FARSB: variants seen among roughly 807,000 people sequenced by gnomAD.
FARSB encodes the protein phenylalanyl-tRNA synthetase subunit beta.
Under a neutral mutation model 69.6 loss-of-function variants are expected in FARSB, and 40 were observed. The ratio of observed to expected loss-of-function variants is 0.57; its 90% CI spans 0.45 to 0.75. FARSB has a LOEUF of 0.75. Among genes scored for constraint, FARSB ranks in the 30% least tolerant of loss-of-function variants. The pLI, the probability that FARSB is intolerant of heterozygous loss-of-function variation, is 0.00. For synonymous variants in FARSB, 235 were observed against 247.2 expected (o/e 0.95, Z 0.46); for missense variants, 632 against 722.9 (o/e 0.87, Z 1.44).
At chr2:222,589,451 G>C (rs949401744) in intron 16 of FARSB, among the ~76,000 whole-genome samples, 6 of 152,030 alleles carry the variant, frequency 3.9e-5, no homozygotes, top group Non-Finnish European at 8.8e-5. Context: ...ACATAGGCAT[G>C]GGCAAGGACT....
chr2:222,618,191 T>C (rs1465062211), intron 14 of FARSB, among the ~76,000 whole-genome samples: 1 of 152,300 alleles, frequency 6.6e-6, no homozygotes. Flanking sequence ...ATACTTGATA[T>C]ATATTACCAA....
intron 14 of FARSB, among the ~76,000 whole-genome samples, chr2:222,617,802 G>A (rs1386613988): frequency 6.6e-6 from 1 of 152,198 alleles, no homozygotes; most frequent in African/African-American, 2.4e-5. Flanking sequence ...AGAATCGCTT[G>A]AACCCAAGAG....
chr2:222,629,013 C>T, intron 9 of FARSB, 125 bp from the exon 10 acceptor site: 1 of 679,512 alleles, frequency 1.5e-6, no homozygotes, highest in African/African-American at 1.8e-5. Flanking sequence ...CCATCTATCG[C>T]ATTCCAGCAC....
chr2:222,628,082 T>TTAA (rs1403964706), intron 10 of FARSB, among the ~76,000 whole-genome samples: 2 of 152,238 alleles, frequency 1.3e-5, no homozygotes, highest in African/African-American at 4.8e-5. Flanking sequence ...TAAATTAGTC[T>TTAA]TAATAATACA....
chr2:222,620,499 T>C (rs904173131), intron 13 of FARSB, among the ~76,000 whole-genome samples: 16 of 152,274 alleles, frequency 1.1e-4, no homozygotes, highest in African/African-American at 3.9e-4. Context: ...GAAACCAGCA[T>C]TGTAGGCAGA....
At chr2:222,644,354 GGGAAAAT>G (rs1403901549) in intron 2 of FARSB, among the ~76,000 whole-genome samples, 5 of 151,874 alleles carry the variant, frequency 3.3e-5, no homozygotes, top group Admixed American at 2.6e-4. Context: ...TTTATAATTA[GGGAAAAT>G]GAAAAATGAA....
At chr2:222,606,174 A>C (rs1304950732) in intron 15 of FARSB, among the ~76,000 whole-genome samples, 2 of 152,038 alleles carry the variant, frequency 1.3e-5, no homozygotes, top group Non-Finnish European at 2.9e-5. Context: ...TACGTTTCCC[A>C]AGGGTTATTG....
At chr2:222,578,562 G>A (rs554668196) in intron 16 of FARSB, among the ~76,000 whole-genome samples, 3 of 152,322 alleles carry the variant, frequency 2.0e-5, no homozygotes, top group East Asian at 1.9e-4. Flanking sequence ...AAAGGAGGCC[G>A]GGCACGGTGG....
chr2:222,613,817 T>C lies in FARSB; in HGVS notation c.1456A>G (p.Asn486Asp). The C allele has an allele frequency of 6.5e-7, 1 of 1,548,232 alleles. No individual in the cohort carries two copies. The highest frequency in any genetic ancestry group is 1.4e-5 in the African/African-American group (1 of 73,774). Residue 486 changes from asparagine (N) to aspartate (D), a missense_variant, in exon 15 of 17, where the codon AAT becomes GAT. Asn to Asp is a conservative substitution (Grantham distance 23). Transcript: ENST00000281828. ...EISDIVIKDS[N>D]TDVGAKNYRH... ...AAAGGTGACTTATTCTTACCTGTAT[T>C]AGAATCTTTTATTACAATGTCAGAG... is the stretch of plus-strand genomic sequence containing the variant.
intron 9 of FARSB, among the ~76,000 whole-genome samples, chr2:222,629,193 C>A (rs1474571734): frequency 6.6e-6 from 1 of 151,966 alleles, no homozygotes; most frequent in Non-Finnish European, 1.5e-5. Flanking sequence ...TAGGCTTTAC[C>A]AGGGCAGTGT....
At chr2:222,637,854 A>T (rs767164806) in intron 5 of FARSB, among the ~76,000 whole-genome samples, 8 of 152,112 alleles carry the variant, frequency 5.3e-5, no homozygotes, top group Non-Finnish European at 1.0e-4. Flanking sequence ...GTGGTGACTC[A>T]TGCTTGTAGT....
At chr2:222,595,919 A>T (rs938801803) in intron 16 of FARSB, among the ~76,000 whole-genome samples, 1 of 137,978 alleles carries the variant, frequency 7.2e-6, no homozygotes, top group Non-Finnish European at 1.6e-5. Flanking sequence ...AAAAAGAAAA[A>T]GCATATATAT....
At chr2:222,632,848 A>G (rs1228338359) in intron 7 of FARSB, among the ~76,000 whole-genome samples, 3 of 151,858 alleles carry the variant, frequency 2.0e-5, no homozygotes, top group African/African-American at 4.8e-5. Flanking sequence ...AACAAAAAAA[A>G]AAAACAAAAG....
chr2:222,591,365 A>T (rs910391512), intron 16 of FARSB, among the ~76,000 whole-genome samples: 7 of 152,222 alleles, frequency 4.6e-5, no homozygotes, highest in African/African-American at 1.7e-4. Flanking sequence ...AAGCACCTAG[A>T]GTTCCTGTGC....
Position 222,642,852 on chromosome 2 carries a change from T to G in FARSB, c.268A>C (p.Arg90=), listed in dbSNP as rs533088371. 2.3e-5 allele frequency: 36 copies of G among 1,597,558 alleles called. 1 individual carries two copies. The South Asian group carries it at 3.5e-4, about 16-fold the overall frequency. ...TCTTTAAGGAACATATTTCCTTACC[T>G]TTCTTTGAAGACCTGAAGTCCTCGA... is the stretch of plus-strand genomic sequence containing the variant. ...LVRGLQVFKE[R]IKAPVYKRVM... Residue 90 remains arginine (R), a splice_region_variant and synonymous_variant, in exon 3 of 17, where the codon AGG becomes CGG. Coordinates refer to ENST00000281828, the MANE Select transcript of FARSB (RefSeq NM_005687.5).
chr2:222,572,085 A>G (rs1452261430), intron 16 of FARSB, 63 bp from the exon 17 acceptor site: 5 of 1,448,620 alleles, frequency 3.5e-6, no homozygotes, highest in Non-Finnish European at 4.7e-6. Flanking sequence ...ATAGACATTT[A>G]ACACTAAAAG....
chr2:222,599,464 C>T (rs751787093), intron 16 of FARSB, among the ~76,000 whole-genome samples: 6 of 152,210 alleles, frequency 3.9e-5, no homozygotes, highest in Non-Finnish European at 7.3e-5. Context: ...AACTTTATGA[C>T]TTGATTAACA....
intron 14 of FARSB, among the ~76,000 whole-genome samples, 187 bp downstream of exon 14, chr2:222,619,458 T>C (rs1402751106): frequency 6.6e-6 from 1 of 152,162 alleles, no homozygotes; most frequent in Non-Finnish European, 1.5e-5. Flanking sequence ...GAAGATATTA[T>C]TTTTAAAAGT....
chr2:222,584,619 G>A lies in FARSB; in HGVS notation c.1619-12597C>T, dbSNP rs144332916. Among the ~76,000 whole-genome samples the A allele has an allele frequency of 1.5e-3, 236 of 152,296 alleles. 1 individual carries two copies. The highest frequency in any genetic ancestry group is 0.014 in the Admixed American group (207 of 15,294). On this transcript the variant is annotated intron_variant, in intron 16 of 16. Transcript: ENST00000281828. Reference sequence around the variant, plus strand: ...AGGGATGCCGTGACAGACGGTACCTGGAAAATCAGGCCACTCCCACCCTAG... The same window carrying A: ...AGGGATGCCGTGACAGACGGTACCTAGAAAATCAGGCCACTCCCACCCTAG...
Sources: allele counts gnomAD v4.1 joint callset (sites outside exome capture counted in the v4.1 genomes callset), GRCh38; gene constraint gnomAD v4.1.1; transcripts MANE v1.5; gene names NCBI Gene and HGNC (gene_info 2026-07-23, HGNC 2026-07-21).